FSTL5: variants seen among roughly 807,000 people sequenced by gnomAD.
FSTL5 encodes follistatin-related protein 5.
Under a neutral mutation model 89.1 loss-of-function variants are expected in FSTL5, and 62 were observed. That is an observed-to-expected ratio of 0.70 (90% confidence interval 0.57 to 0.86). The LOEUF is 0.86. Ranked by LOEUF, FSTL5 falls within the 40% of genes least tolerant of loss-of-function variation. The pLI is 0.00. For missense variants in FSTL5, 1,057 were observed against 1,001.6 expected (o/e 1.06, Z -0.75); for synonymous variants, 383 against 346.2 (o/e 1.11, Z -1.18).
intron 12 of FSTL5, among the ~76,000 whole-genome samples, chr4:161,491,491 A>G (rs1729870866): frequency 6.6e-6 from 1 of 151,934 alleles, no homozygotes; most frequent in Non-Finnish European, 1.5e-5. Context: ...ACTTTAAAAT[A>G]GAGATGGGAT....
At chr4:161,725,006 C>A (rs566021449) in intron 6 of FSTL5, among the ~76,000 whole-genome samples, 1 of 152,042 alleles carries the variant, frequency 6.6e-6, no homozygotes, top group Non-Finnish European at 1.5e-5. Context: ...GCCAGCCTGG[C>A]CAACATGGTG....
chr4:162,159,948 T>A (rs956360531), intron 1 of FSTL5, among the ~76,000 whole-genome samples: 3 of 151,876 alleles, frequency 2.0e-5, no homozygotes, highest in Non-Finnish European at 4.4e-5. Flanking sequence ...ATAACAGTAA[T>A]TAGAAGACAA....
At chr4:161,896,401 C>A (rs955525711) in intron 4 of FSTL5, among the ~76,000 whole-genome samples, 1 of 152,126 alleles carries the variant, frequency 6.6e-6, no homozygotes, top group African/African-American at 2.4e-5. Flanking sequence ...AATTTACCTA[C>A]ATCAATGTAT....
intron 2 of FSTL5, among the ~76,000 whole-genome samples, chr4:162,066,662 T>A (rs1169684790): frequency 6.8e-6 from 1 of 146,304 alleles, no homozygotes; most frequent in Non-Finnish European, 1.5e-5. Flanking sequence ...AACTTCCACT[T>A]ATGAGTGAGA....
intron 2 of FSTL5, among the ~76,000 whole-genome samples, chr4:162,069,184 C>A (rs1417553892): frequency 6.6e-6 from 1 of 151,948 alleles, no homozygotes; most frequent in East Asian, 1.9e-4. Context: ...TTCTATAACA[C>A]ATCTAAAATG....
chr4:161,999,114 C>T (rs1007564639), intron 3 of FSTL5, among the ~76,000 whole-genome samples: 1 of 151,822 alleles, frequency 6.6e-6, no homozygotes, highest in African/African-American at 2.4e-5. Flanking sequence ...TCCATTCAGT[C>T]GGATAAGGAG....
chr4:161,544,422 A>G (rs1731939307), intron 8 of FSTL5, among the ~76,000 whole-genome samples: 1 of 152,064 alleles, frequency 6.6e-6, no homozygotes, highest in Non-Finnish European at 1.5e-5. Context: ...TAAAACGTTC[A>G]CAATGGGCAA....
intron 4 of FSTL5, among the ~76,000 whole-genome samples, chr4:161,903,255 C>T (rs1213548730): frequency 1.3e-5 from 2 of 151,986 alleles, no homozygotes; most frequent in Non-Finnish European, 1.5e-5. Flanking sequence ...AAGACACTAT[C>T]GATGTGACTG....
intron 4 of FSTL5, among the ~76,000 whole-genome samples, chr4:161,789,854 A>T (rs1729398147): frequency 6.6e-6 from 1 of 152,176 alleles, no homozygotes; most frequent in Non-Finnish European, 1.5e-5. Flanking sequence ...TACTTTCAAT[A>T]AGTTCAGCAA....
At chr4:162,017,192 C>T (rs1006303185) in intron 3 of FSTL5, among the ~76,000 whole-genome samples, 2 of 152,104 alleles carry the variant, frequency 1.3e-5, no homozygotes, top group African/African-American at 2.4e-5. Flanking sequence ...GATCATCGGA[C>T]CTGTGGTGTG....
chr4:161,920,671 A>AT lies in FSTL5; in HGVS notation c.161-20dup. ...ATAAATCCTGAAGAATTAAAAAAAA[A>AT]TTGAAAATCGTTTGGTTCATTTGTC... On this transcript the variant is annotated intron_variant, in intron 3 of 15. Transcript: ENST00000306100. 6.3e-7 allele frequency: 1 copy of AT among 1,595,650 alleles called. No individual in the cohort carries two copies. Among genetic ancestry groups the AT allele is most frequent in the Non-Finnish European group, 8.5e-7 (1 of 1,173,830 alleles).
chr4:161,947,057 G>A (rs1030567787), intron 3 of FSTL5, among the ~76,000 whole-genome samples: 11 of 151,828 alleles, frequency 7.2e-5, no homozygotes, highest in African/African-American at 2.7e-4. Flanking sequence ...TTGTCCAGAT[G>A]TATTGGGTCT....
chr4:162,097,658 A>G (rs980793486), intron 2 of FSTL5, among the ~76,000 whole-genome samples: 1 of 151,878 alleles, frequency 6.6e-6, no homozygotes, highest in Non-Finnish European at 1.5e-5. Flanking sequence ...CAATGGCAAA[A>G]ATTGGAGCAG....
intron 4 of FSTL5, among the ~76,000 whole-genome samples, chr4:161,780,285 G>A (rs968902635): frequency 6.6e-6 from 1 of 151,764 alleles, no homozygotes; most frequent in Admixed American, 6.6e-5. Context: ...TTTAGAAATT[G>A]TGCCCCCTCC....
chr4:162,151,737 G>A (rs1222095223), intron 1 of FSTL5, among the ~76,000 whole-genome samples: 1 of 152,108 alleles, frequency 6.6e-6, no homozygotes, highest in Non-Finnish European at 1.5e-5. Flanking sequence ...ATAATAAATA[G>A]GACACAGCAA....
intron 6 of FSTL5, among the ~76,000 whole-genome samples, chr4:161,660,076 G>A (rs1467804193): frequency 6.6e-6 from 1 of 152,116 alleles, no homozygotes; most frequent in Non-Finnish European, 1.5e-5. Context: ...TCTTTCATCT[G>A]TAAACTTTGC....
intron 6 of FSTL5, among the ~76,000 whole-genome samples, chr4:161,726,378 C>A (rs1410441509): frequency 1.4e-5 from 2 of 139,716 alleles, no homozygotes; most frequent in African/African-American, 2.5e-5. Flanking sequence ...TGGAGCATGC[C>A]ACCACGCCCG....
At position 161,499,916 on chromosome 4, in the gene FSTL5, C is replaced by T. The variant is rs182495231; in HGVS notation, c.1458+100G>A. The T allele has an allele frequency of 1.2e-3, 845 of 688,072 alleles. 7 individuals carry two copies. The African/African-American group carries it at 0.014, about 11-fold the overall frequency. The allele number at this position is 688,072 out of a possible 1,614,324, so 42.6% of individuals were successfully genotyped here. A position where few individuals can be genotyped will look rare whatever the true frequency, so the allele number is the denominator to read the frequency against. On this transcript the variant is annotated intron_variant, in intron 12 of 15. Transcript: ENST00000306100. ...TGGGTTTCATAATTTTCTTCCAACACGAGTCTCATATATGTATAGGTTTTG... is the reference window on the plus strand; with the variant it reads ...TGGGTTTCATAATTTTCTTCCAACATGAGTCTCATATATGTATAGGTTTTG...
intron 7 of FSTL5, among the ~76,000 whole-genome samples, chr4:161,632,610 T>G (rs546346436): frequency 1.1e-3 from 161 of 152,234 alleles, no homozygotes; most frequent in Admixed American, 2.9e-3. Flanking sequence ...CATTTAACTC[T>G]GTGAATTTAT....
Sources: allele counts gnomAD v4.1 joint callset (sites outside exome capture counted in the v4.1 genomes callset), GRCh38; gene constraint gnomAD v4.1.1; transcripts MANE v1.5; gene names NCBI Gene and HGNC (gene_info 2026-07-23, HGNC 2026-07-21).